The following ZNF717 variants were observed in gnomAD, a reference collection of about 807,000 sequenced individuals.
ZNF717 encodes the protein zinc finger protein 717, also known as krueppel-like factor X17.
Under a neutral mutation model 13.8 loss-of-function variants are expected in ZNF717, and 9 were observed. The observed-to-expected ratio is 0.65, with a 90% CI of 0.39 to 1.14. The LOEUF (loss-of-function observed/expected upper bound fraction) is 1.14. Ranked by LOEUF, ZNF717 falls within the 50% of genes most tolerant of loss-of-function variation. The pLI, the probability that ZNF717 is intolerant of heterozygous loss-of-function variation, is 0.01. For missense variants in ZNF717, 1,040 were observed against 1,080.7 expected, an observed-to-expected ratio of 0.96 and a Z score of 0.53; for synonymous variants, 327 against 364.1, an observed-to-expected ratio of 0.90 and a Z score of 1.16.
intron 4 of ZNF717, among the ~76,000 whole-genome samples, chr3:75,720,490 G>C (rs1340948060): frequency 6.6e-6 from 1 of 152,106 alleles, no homozygotes. Flanking sequence ...TTCAAGGAGG[G>C]AGGAGGGAAT....
Position 75,765,734 on chromosome 3 carries a change from C to A in ZNF717, c.57+17572G>T, listed in dbSNP as rs191540092. Reference sequence around the variant, plus strand: ...GCCTATAAAAAATTATTTGAAAAAGCCAAAAGATTAACCGAACTGGAATAT... The same window carrying A: ...GCCTATAAAAAATTATTTGAAAAAGACAAAAGATTAACCGAACTGGAATAT... On this transcript the variant is annotated intron_variant, in intron 2 of 4. Coordinates refer to ENST00000652011, the MANE Select transcript of ZNF717 (RefSeq NM_001290208.3). 3.8e-3 allele frequency among the ~76,000 whole-genome samples: 575 copies of A among 152,084 alleles called. 4 individuals are homozygous for A. The highest frequency in any genetic ancestry group is 0.013 in the African/African-American group (552 of 41,482).
intron 2 of ZNF717, among the ~76,000 whole-genome samples, chr3:75,771,713 T>A (rs1225830413): frequency 2.0e-5 from 3 of 152,082 alleles, no homozygotes; most frequent in Non-Finnish European, 4.4e-5. Flanking sequence ...CAGGAACGGG[T>A]GGGAGCCCTG....
At chr3:75,767,645 C>T in intron 2 of ZNF717, among the ~76,000 whole-genome samples, 1 of 152,096 alleles carries the variant, frequency 6.6e-6, no homozygotes, top group African/African-American at 2.4e-5. Context: ...TGCTGAGGGA[C>T]TGTGGGAAAA....
chr3:75,729,852 T>C (rs1277616823), downstream of ZNF717: 1 of 152,240 alleles, frequency 6.6e-6, no homozygotes, highest in Non-Finnish European at 1.5e-5. Flanking sequence ...TTTAGTTTAA[T>C]GAGTTTGGAG....
intron 5 of ZNF717, among the ~76,000 whole-genome samples, chr3:75,711,787 T>C (rs1209038912): frequency 6.6e-6 from 1 of 152,194 alleles, no homozygotes; most frequent in East Asian, 1.9e-4. Flanking sequence ...CAAGAGTATT[T>C]GTTATTTTCT....
chr3:75,733,124 C>T (rs1342945419), downstream of ZNF717, among the ~76,000 whole-genome samples: 1 of 151,968 alleles, frequency 6.6e-6, no homozygotes, highest in Non-Finnish European at 1.5e-5. Context: ...AGATTGAACA[C>T]AACAAAGGAA....
chr3:75,768,360 TGGGGG>T (rs71101853), intron 2 of ZNF717, among the ~76,000 whole-genome samples: 1 of 13,702 alleles, frequency 7.3e-5, no homozygotes, highest in Non-Finnish European at 1.6e-4. Flanking sequence ...TGGCTGAGTG[TGGGGG>T]GGGGGGGTAG....
rs1201909121 is a variant in ZNF717, at chr3:75,704,167, A to G, written n.1085+7020T>C. Reference sequence around the variant, plus strand: ...TTACTTATAAGTAGAGACACTAACAAAAGACAATGCACTCCTGCTCTTGTT... The same window carrying G: ...TTACTTATAAGTAGAGACACTAACAGAAGACAATGCACTCCTGCTCTTGTT... On this transcript the variant is annotated intron_variant and non_coding_transcript_variant, in intron 6 of 6. Coordinates refer to the ZNF717 transcript ENST00000648506. Among the ~76,000 whole-genome samples the G allele has an allele frequency of 3.3e-5, 5 of 152,364 alleles. No homozygotes were observed. In the East Asian group the frequency reaches 7.8e-4, roughly 24 times the overall value.
intron 4 of ZNF717, among the ~76,000 whole-genome samples, chr3:75,719,663 A>G (rs199905373): frequency 5.9e-5 from 9 of 152,204 alleles, no homozygotes; most frequent in African/African-American, 4.8e-5. Flanking sequence ...ATTCTACTTT[A>G]GAAAACATCT....
chr3:75,728,829 T>C (rs1246033687), downstream of ZNF717, among the ~76,000 whole-genome samples: 1 of 152,178 alleles, frequency 6.6e-6, no homozygotes, highest in East Asian at 1.9e-4. Flanking sequence ...ACTGATACAG[T>C]CATTCATGCC....
At chr3:75,743,500 T>C (rs1361122069) in intron 2 of ZNF717, among the ~76,000 whole-genome samples, 3 of 152,218 alleles carry the variant, frequency 2.0e-5, no homozygotes, top group Non-Finnish European at 4.4e-5. Flanking sequence ...ACACAGCCAC[T>C]TCACATACAG....
intron 1 of ZNF717, 42 bp from the exon 2 acceptor site, chr3:75,783,406 G>T (rs1231652614): frequency 2.7e-6 from 4 of 1,474,308 alleles, no homozygotes; most frequent in Non-Finnish European, 3.7e-6. Flanking sequence ...GAGAGAACTG[G>T]TGTGGTGTGG....
At chr3:75,733,423 C>T (rs1316083712), downstream of ZNF717, among the ~76,000 whole-genome samples, 1 of 152,176 alleles carries the variant, frequency 6.6e-6, no homozygotes, top group Non-Finnish European at 1.5e-5. Context: ...TATAAAACAT[C>T]AGCTCCAAAA....
In ZNF717 at chr3:75,785,511, G is replaced by A. The variant is rs372112998; in HGVS notation, c.-130C>T. On this transcript the variant is annotated 5_prime_UTR_variant, in exon 1 of 5. Coordinates refer to ENST00000652011, the MANE Select transcript of ZNF717 (RefSeq NM_001290208.3). ...CTCTTCGCCCTCGCACCGACCCGCA[G>A]GGACATAGAACCAAGCCCCAGGCTG... 2.0e-5 allele frequency: 3 copies of A among 152,468 alleles called. No individual in the cohort carries two copies. Among genetic ancestry groups the A allele is most frequent in the African/African-American group, 4.8e-5 (2 of 41,484 alleles). The allele number at this position is 152,468 out of a possible 1,614,324, so 9.4% of individuals were successfully genotyped here. A position where few individuals can be genotyped will look rare whatever the true frequency, so the allele number is the denominator to read the frequency against.
chr3:75,770,303 G>A (rs569624338), intron 2 of ZNF717, among the ~76,000 whole-genome samples: 2 of 152,364 alleles, frequency 1.3e-5, no homozygotes, highest in African/African-American at 2.4e-5. Flanking sequence ...GCTCACGCCT[G>A]CAATCCCAGC....
intron 4 of ZNF717, among the ~76,000 whole-genome samples, chr3:75,721,774 A>G (rs1205018802): frequency 6.6e-6 from 1 of 152,110 alleles, no homozygotes; most frequent in Non-Finnish European, 1.5e-5. Flanking sequence ...AGTGTGGAGG[A>G]ATAAGGTCTC....
chr3:75,734,669 T>G (rs1938923598), downstream of ZNF717, among the ~76,000 whole-genome samples: 1 of 151,402 alleles, frequency 6.6e-6, no homozygotes, highest in East Asian at 1.9e-4. Flanking sequence ...TCTCCTGACC[T>G]CATGATCTGC....
rs1471129182 is a variant in ZNF717 at position 75,761,472 on chromosome 3, T to C, written c.58-19736A>G. Among the ~76,000 whole-genome samples, 5 of 152,360 alleles carry C rather than the reference T, an allele frequency of 3.3e-5. No individual in the cohort carries two copies. In the East Asian group the frequency reaches 9.6e-4, roughly 29 times the overall value. ...TTTTCCTCTAGGATCAGGAACAAGA[T>C]AGCAACATCTCCTCCTGCCACTTCT... On this transcript the variant is annotated intron_variant, in intron 2 of 4. Transcript: ENST00000652011.
intron 2 of ZNF717, among the ~76,000 whole-genome samples, chr3:75,772,427 G>A (rs903056866): frequency 2.6e-5 from 4 of 152,226 alleles, no homozygotes; most frequent in Non-Finnish European, 5.9e-5. Context: ...GCCCTTCAGG[G>A]AACCCAGACT....
Sources: allele counts gnomAD v4.1 joint callset (sites outside exome capture counted in the v4.1 genomes callset), GRCh38; gene constraint gnomAD v4.1.1; transcripts MANE v1.5; gene names NCBI Gene and HGNC (gene_info 2026-07-23, HGNC 2026-07-21).